Variants in CYP4V2 observed in about 807,000 individuals in gnomAD.
The protein encoded by CYP4V2 is cytochrome P450 4V2.
In CYP4V2, 55 loss-of-function variants were observed where a neutral mutation model predicts 60.8. That is an observed-to-expected ratio of 0.90 (90% CI 0.73 to 1.13). The LOEUF is 1.13. Ranked by LOEUF, CYP4V2 falls within the 50% of genes most tolerant of loss-of-function variation. The pLI, the probability that CYP4V2 is intolerant of heterozygous loss-of-function variation, is 0.00. For missense variants in CYP4V2, 675 were observed against 662.9 expected, an observed-to-expected ratio of 1.02 and a Z score of -0.20; for synonymous variants, 239 against 236.8, an observed-to-expected ratio of 1.01 and a Z score of -0.08.
At position 186,196,079 on chromosome 4, in the gene CYP4V2, T is replaced by C. The variant is rs764016255; in HGVS notation, c.404T>C (p.Leu135Pro). 6.2e-7 allele frequency: 1 copy of C among 1,613,572 alleles called. No individual in the cohort carries two copies. The highest frequency in any genetic ancestry group is 8.5e-7 in the Non-Finnish European group (1 of 1,179,422). Residue 135 changes from leucine to proline, a missense_variant, in exon 3 of 11, where the codon CTT becomes CCT. Leu to Pro is a moderately conservative substitution (Grantham distance 98). Transcript: ENST00000378802. ...KFLEPWLGLG[L>P]LTSTGNKWRS... ...TTAGAACCATGGCTTGGCCTAGGAC[T>C]TCTTACAAGGTATGCCAGTGTACCT...
intron 5 of CYP4V2, among the ~76,000 whole-genome samples, chr4:186,197,968 C>T (rs1164736492): frequency 1.3e-5 from 2 of 152,164 alleles, no homozygotes; most frequent in African/African-American, 4.8e-5. Flanking sequence ...AGAATGTTAG[C>T]AGTGTTTCTC....
At position 186,210,493 on chromosome 4, in the gene CYP4V2, A is replaced by G; in HGVS notation, c.1430A>G (p.Glu477Gly). 3 of 1,614,206 alleles carry G rather than the reference A, an allele frequency of 1.9e-6. No homozygotes were observed. Among genetic ancestry groups the G allele is most frequent in the African/African-American group, 1.3e-5 (1 of 75,064 alleles). ...CIGQKFAVMEEKTILSCILRH... is the reference protein window; with the variant it reads ...CIGQKFAVMEGKTILSCILRH... ...GGTCAAAAGTTTGCTGTGATGGAAG[A>G]AAAGACCATTCTTTCGTGCATCCTG... The change falls in exon 11 of 11, where the codon GAA becomes GGA. Residue 477 changes from glutamate to glycine, a missense_variant. Physicochemically the swap from Glu to Gly is moderately conservative, Grantham distance 98. Transcript: ENST00000378802.
chr4:186,192,338 T>C, intron 1 of CYP4V2: 1 of 618,150 alleles, frequency 1.6e-6, no homozygotes, highest in Non-Finnish European at 3.0e-6. Flanking sequence ...CGTTTCCTCC[T>C]GCCTTGGCTT....
At chr4:186,197,459 C>A in intron 4 of CYP4V2, 74 bp from the exon 5 acceptor site, 1 of 1,432,174 alleles carries the variant, frequency 7.0e-7, no homozygotes, top group Non-Finnish European at 9.9e-7. Context: ...TCTTTAGTGT[C>A]TGCCGCTGCA....
chr4:186,202,981 TAC>T (rs1167871237), intron 7 of CYP4V2: 1 of 151,254 alleles, frequency 6.6e-6, no homozygotes, highest in Non-Finnish European at 1.5e-5. Context: ...CACATTCATG[TAC>T]ATTTATGCAA....
rs145611966 is a variant in CYP4V2, at chr4:186,191,922, G to A, written c.99G>A (p.Leu33=). Residue 33 remains leucine, a synonymous_variant, in exon 1 of 11, where the codon CTG becomes CTA. Coordinates refer to ENST00000378802, the MANE Select transcript of CYP4V2 (RefSeq NM_207352.4). ...SLAGASLVLS[L]LQRVASYARK... ...CCGGCGCCAGTCTGGTCCTGAGCCT[G>A]CTGCAGAGGGTGGCGAGCTACGCGC... 4,017 of 1,593,874 alleles carry A rather than the reference G, an allele frequency of 2.5e-3. 9 individuals carry two copies. The highest frequency in any genetic ancestry group is 3.3e-3 in the Non-Finnish European group (3,847 of 1,173,510).
At chr4:186,193,721 A>C (rs572657575) in intron 1 of CYP4V2, among the ~76,000 whole-genome samples, 1 of 152,224 alleles carries the variant, frequency 6.6e-6, no homozygotes, top group Non-Finnish European at 1.5e-5. Flanking sequence ...GTTGACCTCA[A>C]CAAAGTTGGG....
rs202148693 is a variant in CYP4V2, at chr4:186,191,847, C to G, written c.24C>G (p.Leu8=). 3 of 1,577,258 alleles carry G rather than the reference C, an allele frequency of 1.9e-6. No individual in the cohort carries two copies. The highest frequency in any genetic ancestry group is 2.6e-6 in the Non-Finnish European group (3 of 1,167,656). ...CGATGGCGGGGCTCTGGCTGGGGCTCGTGTGGCAGAAGCTGCTGCTGTGGG... is the reference window on the plus strand; with the variant it reads ...CGATGGCGGGGCTCTGGCTGGGGCTGGTGTGGCAGAAGCTGCTGCTGTGGG... The part of the protein sequence containing the change: MAGLWLG[L]VWQKLLLWGA... The change falls in exon 1 of 11, where the codon CTC becomes CTG. Residue 8 remains leucine (L), a synonymous_variant. Transcript: ENST00000378802.
chr4:186,192,097 G>C (rs1040774145), intron 1 of CYP4V2, 60 bp downstream of exon 1: 3 of 1,524,880 alleles, frequency 2.0e-6, no homozygotes, highest in Non-Finnish European at 2.6e-6. Context: ...CCCACCCTCC[G>C]ATCAGCCAGG....
At chr4:186,199,590 C>A (rs1247979696) in intron 6 of CYP4V2, among the ~76,000 whole-genome samples, 1 of 152,142 alleles carries the variant, frequency 6.6e-6, no homozygotes, top group East Asian at 1.9e-4. Context: ...AATAAAGGAA[C>A]AAAGATCTAT....
chr4:186,197,385 A>G, intron 4 of CYP4V2, 148 bp from the exon 5 acceptor site: 2 of 929,236 alleles, frequency 2.2e-6, no homozygotes, highest in South Asian at 2.8e-5. Flanking sequence ...TGGACCGTAC[A>G]AGAGAAGAGG....
At chr4:186,199,221 A>G in intron 6 of CYP4V2, 138 bp downstream of exon 6, 1 of 919,552 alleles carries the variant, frequency 1.1e-6, no homozygotes, top group Non-Finnish European at 1.7e-6. Context: ...TCATTTCCAG[A>G]ACTTTTGGTA....
intron 1 of CYP4V2, among the ~76,000 whole-genome samples, 171 bp from the exon 2 acceptor site, chr4:186,194,329 G>A (rs1313136049): frequency 6.6e-6 from 1 of 152,164 alleles, no homozygotes; most frequent in Non-Finnish European, 1.5e-5. Flanking sequence ...TAGACTTACA[G>A]AAAAGTTGCA....
chr4:186,197,815 C>G (rs1301767092), intron 5 of CYP4V2, among the ~76,000 whole-genome samples: 1 of 152,100 alleles, frequency 6.6e-6, no homozygotes, highest in Non-Finnish European at 1.5e-5. Context: ...TGATTATTCT[C>G]TAACATTGAG....
intron 7 of CYP4V2, 117 bp from the exon 8 acceptor site, chr4:186,205,083 T>C: frequency 2.1e-6 from 2 of 945,630 alleles, no homozygotes; most frequent in African/African-American, 1.6e-5. Flanking sequence ...TCATTTCTTA[T>C]GTTTGCAGTC....
chr4:186,207,884 G>A (rs375508709), intron 8 of CYP4V2, among the ~76,000 whole-genome samples: 3 of 152,096 alleles, frequency 2.0e-5, no homozygotes, highest in Non-Finnish European at 2.9e-5. Context: ...ATATGGATTC[G>A]TACAATATGT....
rs1736002561 is a variant in CYP4V2 at position 186,192,051 on chromosome 4, C to G, written c.214+14C>G. The G allele has an allele frequency of 1.9e-6, 3 of 1,560,976 alleles. No individual in the cohort carries two copies. Among genetic ancestry groups the G allele is most frequent in the Non-Finnish European group, 2.6e-6 (3 of 1,158,978 alleles). On this transcript the variant is annotated intron_variant, in intron 1 of 10. Coordinates refer to ENST00000378802, the MANE Select transcript of CYP4V2 (RefSeq NM_207352.4). ...CGGACGGGCGAGGTAAGGGCCGGCG[C>G]TCCTCCTGGAGCGCAACGGGGTCCG...
In CYP4V2 at chr4:186,196,920, A is replaced by G. The variant is rs1337830365; in HGVS notation, c.414-20A>G. On this transcript the variant is annotated intron_variant, in intron 3 of 10. Coordinates refer to ENST00000378802, the MANE Select transcript of CYP4V2 (RefSeq NM_207352.4). ...TCTCTCTGTAGATATATTTTTTGTA[A>G]CCACATATTTTATTTCTAGTACTGG... 6.2e-7 allele frequency: 1 copy of G among 1,609,332 alleles called. No individual in the cohort carries two copies. The highest frequency in any genetic ancestry group is 1.3e-5 in the African/African-American group (1 of 74,816).
chr4:186,192,276 C>G (rs1196193033), intron 1 of CYP4V2: 1 of 702,402 alleles, frequency 1.4e-6, no homozygotes, highest in Non-Finnish European at 2.6e-6. Flanking sequence ...TTTCCAAACC[C>G]CTGCCCTCGG....
Sources: gnomAD v4.1 joint callset for allele counts (sites outside exome capture counted in the v4.1 genomes callset) on GRCh38, gnomAD v4.1.1 for gene constraint, MANE v1.5 for transcripts, NCBI Gene and HGNC (gene_info 2026-07-23, HGNC 2026-07-21) for gene names.